Variants in KDM4C observed in about 807,000 individuals in gnomAD.
The protein encoded by KDM4C is lysine-specific demethylase 4C.
Under a neutral mutation model 129.3 loss-of-function variants are expected in KDM4C, and 81 were observed. The observed-to-expected ratio is 0.63, with a 90% CI of 0.52 to 0.75. KDM4C has a LOEUF of 0.75. Among genes scored for constraint, KDM4C ranks in the 30% least tolerant of loss-of-function variants. The pLI, the probability that KDM4C is intolerant of heterozygous loss-of-function variation, is 0.00. For synonymous variants in KDM4C, 573 were observed against 456.1 expected (o/e 1.26, Z -3.26); for missense variants, 1,457 against 1,304.0 (o/e 1.12, Z -1.81).
At chr9:6,794,292 A>T (rs1314429829) in intron 2 of KDM4C, among the ~76,000 whole-genome samples, 1 of 152,242 alleles carries the variant, frequency 6.6e-6, no homozygotes, top group Non-Finnish European at 1.5e-5. Flanking sequence ...ACAGATCCAA[A>T]GGATAAAAAT....
chr9:6,834,480 G>T (rs1835489385), intron 4 of KDM4C: 2 of 583,220 alleles, frequency 3.4e-6, no homozygotes, highest in Non-Finnish European at 6.5e-6. Context: ...TGCTACGCCC[G>T]TCGTCGACAA....
At chr9:7,081,011 A>G (rs1465505568) in intron 17 of KDM4C, among the ~76,000 whole-genome samples, 1 of 152,264 alleles carries the variant, frequency 6.6e-6, no homozygotes, top group East Asian at 1.9e-4. Context: ...GGCACACGAC[A>G]GAGACTAATG....
At chr9:6,847,625 C>T (rs1233392898) in intron 4 of KDM4C, among the ~76,000 whole-genome samples, 1 of 152,162 alleles carries the variant, frequency 6.6e-6, no homozygotes, top group African/African-American at 2.4e-5. Flanking sequence ...CTCCTGACCT[C>T]ATGATCCACC....
rs149173035 is a variant in KDM4C, at chr9:7,127,766, C to T, written c.2611-300C>T. 6.5e-3 allele frequency: 1,365 copies of T among 208,506 alleles called. 6 individuals carry two copies. The highest frequency in any genetic ancestry group is 0.01 in the Non-Finnish European group (1,059 of 105,354). 12.9% of individuals were successfully genotyped at this position (208,506 alleles called of 1,614,324 possible). On this transcript the variant is annotated intron_variant, in intron 18 of 21. Coordinates refer to ENST00000381309, the MANE Select transcript of KDM4C (RefSeq NM_015061.6). ...TGATATATTTGCATATACACATACACGTGTGTATATATATACATACATATT... is the reference window on the plus strand; with the variant it reads ...TGATATATTTGCATATACACATACATGTGTGTATATATATACATACATATT...
chr9:7,040,653 C>G (rs1828437844), intron 15 of KDM4C, among the ~76,000 whole-genome samples: 1 of 151,496 alleles, frequency 6.6e-6, no homozygotes. Context: ...AGGTTGTTTT[C>G]TTGGGAGGTA....
chr9:6,866,993 G>GTGTGTGTGT (rs1842108304), intron 5 of KDM4C, among the ~76,000 whole-genome samples: 1 of 39,928 alleles, frequency 2.5e-5, no homozygotes, highest in African/African-American at 1.1e-4. Context: ...GTGTGTGTGT[G>GTGTGTGTGT]TGTGTGTATA....
At chr9:6,943,626 A>C (rs994116845) in intron 8 of KDM4C, among the ~76,000 whole-genome samples, 3 of 151,912 alleles carry the variant, frequency 2.0e-5, no homozygotes, top group Non-Finnish European at 2.9e-5. Flanking sequence ...AGTGAGCCAT[A>C]ATTGCCCCAC....
At chr9:7,008,755 C>G (rs1232959412) in intron 12 of KDM4C, among the ~76,000 whole-genome samples, 1 of 152,194 alleles carries the variant, frequency 6.6e-6, no homozygotes, top group East Asian at 1.9e-4. Flanking sequence ...GCTCCAGATC[C>G]AACCCCATGA....
chr9:7,163,790 C>G (rs567260618), intron 19 of KDM4C, among the ~76,000 whole-genome samples: 4 of 152,292 alleles, frequency 2.6e-5, no homozygotes, highest in Non-Finnish European at 5.9e-5. Flanking sequence ...GCCCTGAGGT[C>G]AAGTCCTATG....
At chr9:6,857,420 T>C (rs1162059053) in intron 5 of KDM4C, among the ~76,000 whole-genome samples, 1 of 152,232 alleles carries the variant, frequency 6.6e-6, no homozygotes, top group Admixed American at 6.5e-5. Flanking sequence ...AATACAGTGC[T>C]AACTGGTAGT....
intron 9 of KDM4C, 72 bp downstream of exon 9, chr9:6,981,190 G>A (rs752322862): frequency 7.4e-6 from 9 of 1,208,196 alleles, no homozygotes; most frequent in South Asian, 1.7e-5. Flanking sequence ...CATTGGATGT[G>A]GCAATTTACT....
chr9:6,802,662 C>G (rs1247686475), intron 2 of KDM4C, among the ~76,000 whole-genome samples: 2 of 152,220 alleles, frequency 1.3e-5, no homozygotes, highest in African/African-American at 4.8e-5. Flanking sequence ...GAGTCTCACT[C>G]TGTCACTCAG....
At chr9:6,806,819 CAT>C (rs1245564778) in intron 3 of KDM4C, among the ~76,000 whole-genome samples, 4 of 151,982 alleles carry the variant, frequency 2.6e-5, no homozygotes, top group East Asian at 1.9e-4. Flanking sequence ...AAGGAAGCCA[CAT>C]GTCTTTCCTT....
rs1554751922 is a variant in KDM4C, at chr9:7,122,265, A to ACTCTCTCT, written c.2611-5788_2611-5781dup. On this transcript the variant is annotated intron_variant, in intron 18 of 21. Transcript: ENST00000381309. ...CACACACACACACACACACACACACACTCTCTCTCTCTCTCTCTCTTAAAC... is the reference window on the plus strand; with the variant it reads ...CACACACACACACACACACACACACACTCTCTCTCTCTCTCTCTCTCTCTCTCTTAAAC... Among the ~76,000 whole-genome samples, 355 of 144,816 alleles carry ACTCTCTCT rather than the reference A, an allele frequency of 2.5e-3. 4 individuals carry two copies. The highest frequency in any genetic ancestry group is 9.0e-3 in the African/African-American group (347 of 38,538).
chr9:6,867,611 C>G (rs564151693), intron 5 of KDM4C, among the ~76,000 whole-genome samples: 7 of 152,272 alleles, frequency 4.6e-5, no homozygotes, highest in South Asian at 2.1e-4. Flanking sequence ...GCATCTTTCC[C>G]TGTTTTATTA....
intron 8 of KDM4C, chr9:6,948,274 A>T (rs1000908923): frequency 6.6e-6 from 1 of 152,240 alleles, no homozygotes; most frequent in Non-Finnish European, 1.5e-5. Context: ...TACTTGAATC[A>T]TCCTGCCATT....
chr9:6,836,038 C>T (rs962854427), intron 4 of KDM4C, among the ~76,000 whole-genome samples: 12 of 152,028 alleles, frequency 7.9e-5, no homozygotes, highest in African/African-American at 2.9e-4. Flanking sequence ...GCCTTCGTGG[C>T]CCCCCTCTTT....
chr9:7,115,533 T>C (rs1452357046), intron 18 of KDM4C, among the ~76,000 whole-genome samples: 1 of 152,170 alleles, frequency 6.6e-6, no homozygotes, highest in African/African-American at 2.4e-5. Context: ...AGAGGTAGGA[T>C]ATTCAATTCC....
At chr9:6,741,208 C>T (rs546183129) in intron 1 of KDM4C, among the ~76,000 whole-genome samples, 1 of 151,364 alleles carries the variant, frequency 6.6e-6, no homozygotes, top group Admixed American at 6.6e-5. Flanking sequence ...GCATCCTGGC[C>T]AACATGGTGA....
Sources: allele counts gnomAD v4.1 joint callset (sites outside exome capture counted in the v4.1 genomes callset), GRCh38; gene constraint gnomAD v4.1.1; transcripts MANE v1.5; gene names NCBI Gene and HGNC (gene_info 2026-07-23, HGNC 2026-07-21).